Variants in PIEZO1 observed in about 807,000 individuals in gnomAD.
PIEZO1 encodes the protein piezo-type mechanosensitive ion channel component 1.
Under a neutral mutation model 297.2 loss-of-function variants are expected in PIEZO1, and 296 were observed. That is an observed-to-expected ratio of 1.00 (90% CI 0.91 to 1.10). The LOEUF (loss-of-function observed/expected upper bound fraction) is 1.10, where lower values mean the gene tolerates loss of function less well. Ranked by LOEUF, PIEZO1 falls within the 50% of genes least tolerant of loss-of-function variation. The probability of loss-of-function intolerance (pLI) is 0.00; values close to 1 mark genes in which losing one functional copy is unlikely to be tolerated. For missense variants in PIEZO1, 5,018 were observed against 3,455.5 expected, an observed-to-expected ratio of 1.45 and a Z score of -11.34; for synonymous variants, 2,427 against 1,507.5, an observed-to-expected ratio of 1.61 and a Z score of -14.13.
At chr16:88,755,481 C>G (rs1261245110) in intron 1 of PIEZO1, among the ~76,000 whole-genome samples, 1 of 152,242 alleles carries the variant, frequency 6.6e-6, no homozygotes, top group Non-Finnish European at 1.5e-5. Context: ...GCCACCTGCA[C>G]ATTCCTCCCA....
intron 1 of PIEZO1, 131 bp downstream of exon 1, chr16:88,784,757 GGCGCCCGGGTCGC>G: frequency 2.0e-6 from 1 of 512,154 alleles, no homozygotes; most frequent in Non-Finnish European, 3.0e-6. Flanking sequence ...CAGGAATGCG[GGCGCCCGGGTCGC>G]GCGTCCCTGG....
chr16:88,784,057 C>T (rs951573610), intron 1 of PIEZO1, among the ~76,000 whole-genome samples: 2 of 152,204 alleles, frequency 1.3e-5, no homozygotes, highest in Non-Finnish European at 2.9e-5. Flanking sequence ...CCCTGGGTCC[C>T]GGCTAGGCCA....
At chr16:88,782,685 C>T (rs928462406) in intron 1 of PIEZO1, among the ~76,000 whole-genome samples, 3 of 152,240 alleles carry the variant, frequency 2.0e-5, no homozygotes, top group African/African-American at 7.2e-5. Flanking sequence ...CACGGTAGAA[C>T]TGCTTCCAGC....
At chr16:88,749,034 G>A (rs184002374) in intron 2 of PIEZO1, among the ~76,000 whole-genome samples, 1,813 of 150,428 alleles carry the variant, frequency 0.012, 37 homozygotes, top group African/African-American at 0.04. Context: ...TCAGGAGATC[G>A]AGACCATCCT....
chr16:88,740,999 G>T (rs1049383172), intron 5 of PIEZO1: 1 of 153,926 alleles, frequency 6.5e-6, no homozygotes, highest in East Asian at 1.9e-4. Flanking sequence ...AGTTCACTCT[G>T]CCTCCCACTC....
At chr16:88,783,520 T>G (rs910675442) in intron 1 of PIEZO1, among the ~76,000 whole-genome samples, 10 of 152,162 alleles carry the variant, frequency 6.6e-5, no homozygotes, top group African/African-American at 2.2e-4. Flanking sequence ...ACGGGACGTT[T>G]CAGAAGCTTT....
intron 1 of PIEZO1, among the ~76,000 whole-genome samples, chr16:88,773,906 C>T (rs1405754770): frequency 2.0e-5 from 3 of 152,178 alleles, no homozygotes; most frequent in African/African-American, 4.8e-5. Flanking sequence ...AAAGTCCCCT[C>T]AGGTGCCACC....
intron 1 of PIEZO1, among the ~76,000 whole-genome samples, chr16:88,771,678 A>G (rs1346115129): frequency 6.6e-6 from 1 of 152,212 alleles, no homozygotes; most frequent in African/African-American, 2.4e-5. Flanking sequence ...GGGTGGGACA[A>G]GGTTGCAGAG....
chr16:88,741,736 G>A (rs959142028), intron 4 of PIEZO1, 120 bp from the exon 5 acceptor site: 2 of 288,980 alleles, frequency 6.9e-6, no homozygotes, highest in Non-Finnish European at 1.3e-5. Context: ...GTGGGAGTGT[G>A]GATGGGTCTC....
intron 1 of PIEZO1, among the ~76,000 whole-genome samples, chr16:88,765,318 A>T (rs1021531376): frequency 6.6e-6 from 1 of 152,136 alleles, no homozygotes; most frequent in African/African-American, 2.4e-5. Context: ...TCCCTTCAGA[A>T]CCTTGCTTCC....
At chr16:88,730,208 TAG>T (rs1466822985) in intron 22 of PIEZO1, among the ~76,000 whole-genome samples, 1 of 152,190 alleles carries the variant, frequency 6.6e-6, no homozygotes, top group Non-Finnish European at 1.5e-5. Flanking sequence ...CTCACGCTCC[TAG>T]AACTCGATTG....
In PIEZO1 at chr16:88,731,858, A is replaced by G; in HGVS notation, c.3044T>C (p.Val1015Ala). ...CACCAGCCAGCAACCGTGCAGGGTC[A>G]CCAGAAAGTTCATGCGCTGCCCGAT... ...NVIGQRMNFLVTLHGCWLVAI... is the reference protein window; with the variant it reads ...NVIGQRMNFLATLHGCWLVAI... The change falls in exon 22 of 51, where the codon GTG (valine) becomes GCG (alanine). Residue 1015 changes from valine to alanine, a missense_variant. Transcript: ENST00000301015. The G allele has an allele frequency of 9.6e-7, 1 of 1,039,022 alleles. No individual in the cohort carries two copies. Among genetic ancestry groups the G allele is most frequent in the East Asian group, 1.1e-4 (1 of 8,990 alleles). The allele number at this position is 1,039,022 out of a possible 1,614,324, so 64.4% of individuals were successfully genotyped here.
In PIEZO1 at chr16:88,732,539, C is replaced by T. The variant is rs758152024; in HGVS notation, c.2791-4G>A. 2.6e-5 allele frequency: 40 copies of T among 1,545,794 alleles called. No homozygotes were observed. The highest frequency in any genetic ancestry group is 6.0e-5 in the South Asian group (5 of 83,920). The stretch of plus-strand genomic sequence containing the variant: ...GCAGCAGCACTTGCAGGTGGTTCTG[C>T]GGAGGGCAAGGGTCAGGGGGCAGCC... On this transcript the variant is annotated splice_region_variant and splice_polypyrimidine_tract_variant and intron_variant, in intron 20 of 50. Coordinates refer to ENST00000301015, the MANE Select transcript of PIEZO1 (RefSeq NM_001142864.4).
chr16:88,779,676 G>A (rs374304247), intron 1 of PIEZO1, among the ~76,000 whole-genome samples: 17 of 152,330 alleles, frequency 1.1e-4, no homozygotes, highest in African/African-American at 3.8e-4. Flanking sequence ...CTGGGGACGC[G>A]CTGTGTGTGC....
chr16:88,735,364 C>A, intron 12 of PIEZO1, 118 bp from the exon 13 acceptor site: 1 of 703,106 alleles, frequency 1.4e-6, no homozygotes, highest in Non-Finnish European at 2.5e-6. Context: ...TGGCACCAGC[C>A]CATCCACCGC....
chr16:88,777,895 T>C (rs1374161942), intron 1 of PIEZO1, among the ~76,000 whole-genome samples: 1 of 152,056 alleles, frequency 6.6e-6, no homozygotes, highest in Non-Finnish European at 1.5e-5. Flanking sequence ...GTGGCCTCCC[T>C]AAACCCACAT....
chr16:88,724,719 G>A (rs1338074997), intron 30 of PIEZO1, among the ~76,000 whole-genome samples: 7 of 152,204 alleles, frequency 4.6e-5, no homozygotes, highest in East Asian at 3.9e-4. Flanking sequence ...ACAGAATAAC[G>A]CAGTGCTGCT....
chr16:88,737,399 G>A (rs1285676657), intron 10 of PIEZO1, 160 bp downstream of exon 10: 3 of 585,568 alleles, frequency 5.1e-6, no homozygotes, highest in African/African-American at 3.9e-5. Flanking sequence ...GGGTCTCGGG[G>A]GTCACTGACA....
chr16:88,717,709 A>G (rs561979697), intron 44 of PIEZO1: 36 of 440,598 alleles, frequency 8.2e-5, no homozygotes, highest in African/African-American at 5.9e-4. Context: ...GAGACAGTCC[A>G]TAGAATTGGA....
Sources: allele counts gnomAD v4.1 joint callset (sites outside exome capture counted in the v4.1 genomes callset), GRCh38; gene constraint gnomAD v4.1.1; transcripts MANE v1.5; gene names NCBI Gene and HGNC (gene_info 2026-07-23, HGNC 2026-07-21).